ABLIM3: variants seen among roughly 807,000 people sequenced by gnomAD.
ABLIM3 encodes actin-binding LIM protein 3.
A neutral mutation model predicts 109.5 loss-of-function variants in ABLIM3; 61 were observed. That is an observed-to-expected ratio of 0.56 (90% CI 0.45 to 0.69). ABLIM3 has a LOEUF of 0.69. ABLIM3 is among the 30% of genes least tolerant of loss of function. ABLIM3 has a pLI of 0.00. For missense variants in ABLIM3, 796 were observed against 889.5 expected (o/e 0.89, Z 1.34); for synonymous variants, 300 against 324.8 (o/e 0.92, Z 0.82).
intron 6 of ABLIM3, among the ~76,000 whole-genome samples, chr5:149,207,879 C>T (rs1355412932): frequency 6.6e-6 from 1 of 152,252 alleles, no homozygotes; most frequent in Non-Finnish European, 1.5e-5. Flanking sequence ...AGACAAGTGT[C>T]CTCTTGTTGC....
chr5:149,189,574 T>G (rs1016436534), intron 3 of ABLIM3, among the ~76,000 whole-genome samples: 1 of 152,116 alleles, frequency 6.6e-6, no homozygotes, highest in Non-Finnish European at 1.5e-5. Flanking sequence ...TACAGAGAAG[T>G]TATACAAATG....
intron 2 of ABLIM3, among the ~76,000 whole-genome samples, chr5:149,175,956 A>G (rs1242177616): frequency 6.6e-6 from 1 of 152,212 alleles, no homozygotes; most frequent in Non-Finnish European, 1.5e-5. Context: ...TGAGCCTGGC[A>G]GAGAGAAGCT....
intron 3 of ABLIM3, among the ~76,000 whole-genome samples, chr5:149,184,787 G>C (rs1285600427): frequency 6.6e-6 from 1 of 152,188 alleles, no homozygotes; most frequent in Admixed American, 6.5e-5. Context: ...TCATGCACCT[G>C]AGAGTGACTT....
At position 149,259,185 on chromosome 5, in the gene ABLIM3, C is replaced by G; in HGVS notation, c.*781C>G. On this transcript the variant is annotated 3_prime_UTR_variant, in exon 24 of 24. Coordinates refer to ENST00000309868, the MANE Select transcript of ABLIM3 (RefSeq NM_014945.5). Reference sequence around the variant, plus strand: ...GAGGGAGCGGAAGTGGGAGATGGAGCAGGGCACCTGTTAGAATCAGAGCTG... The same window carrying G: ...GAGGGAGCGGAAGTGGGAGATGGAGGAGGGCACCTGTTAGAATCAGAGCTG... The G allele has an allele frequency of 9.4e-7, 1 of 1,068,666 alleles. No individual in the cohort carries two copies. The highest frequency in any genetic ancestry group is 1.1e-6 in the Non-Finnish European group (1 of 883,402). The allele number at this position is 1,068,666 out of a possible 1,614,324, so 66.2% of individuals were successfully genotyped here.
intron 7 of ABLIM3, 102 bp from the exon 8 acceptor site, chr5:149,216,857 T>C (rs1760141059): frequency 9.6e-7 from 1 of 1,046,006 alleles, no homozygotes. Flanking sequence ...GCCATGAAGA[T>C]GCAAACAACA....
At chr5:149,178,503 T>C (rs1028290257) in intron 2 of ABLIM3, among the ~76,000 whole-genome samples, 2 of 152,212 alleles carry the variant, frequency 1.3e-5, no homozygotes, top group African/African-American at 4.8e-5. Flanking sequence ...GTTTTCCCAC[T>C]CTTTTAATTA....
chr5:149,213,476 A>G (rs1759759893), intron 7 of ABLIM3, among the ~76,000 whole-genome samples: 1 of 152,196 alleles, frequency 6.6e-6, no homozygotes, highest in Non-Finnish European at 1.5e-5. Flanking sequence ...TGGATGTGGG[A>G]AAGGTCACCT....
At chr5:149,247,376 T>C (rs59781078) in intron 17 of ABLIM3, among the ~76,000 whole-genome samples, 4,180 of 152,160 alleles carry the variant, frequency 0.027, 196 homozygotes, top group African/African-American at 0.088. Flanking sequence ...GAGATAGAGG[T>C]GGTAGTTCCA....
intron 6 of ABLIM3, among the ~76,000 whole-genome samples, chr5:149,207,709 G>T (rs1759136986): frequency 1.3e-5 from 2 of 152,148 alleles, no homozygotes; most frequent in South Asian, 4.1e-4. Context: ...CAGGAGAGGG[G>T]CTTTGTTTTA....
chr5:149,195,242 A>C (rs1442345947), intron 3 of ABLIM3, among the ~76,000 whole-genome samples: 1 of 152,258 alleles, frequency 6.6e-6, no homozygotes, highest in Non-Finnish European at 1.5e-5. Flanking sequence ...ACAAAGGTCC[A>C]ATAACCTACA....
At chr5:149,148,136 T>A (rs1753096564) in intron 2 of ABLIM3, among the ~76,000 whole-genome samples, 1 of 152,224 alleles carries the variant, frequency 6.6e-6, no homozygotes, top group African/African-American at 2.4e-5. Flanking sequence ...AATAAAAAAA[T>A]GCTTAGATTA....
In ABLIM3 at chr5:149,191,920, C is replaced by T. The variant is rs117561454; in HGVS notation, c.152-6299C>T. ...TCGCCCAGGCTGGAGTGCAGTGGCA[C>T]GATCTCGGCTCACTGCAAGCTCCAC... On this transcript the variant is annotated intron_variant, in intron 3 of 23. Coordinates refer to ENST00000309868, the MANE Select transcript of ABLIM3 (RefSeq NM_014945.5). 0.012 allele frequency among the ~76,000 whole-genome samples: 1,844 copies of T among 152,224 alleles called. 85 individuals are homozygous for T. The East Asian group carries it at 0.15, about 13-fold the overall frequency.
At chr5:149,239,350 C>T in intron 12 of ABLIM3, 73 bp downstream of exon 12, 1 of 1,529,240 alleles carries the variant, frequency 6.5e-7, no homozygotes, top group Non-Finnish European at 9.1e-7. Context: ...CATCCCCAGC[C>T]CCCCGAAGGT....
intron 2 of ABLIM3, among the ~76,000 whole-genome samples, chr5:149,177,903 G>T (rs1377712320): frequency 6.6e-6 from 1 of 152,126 alleles, no homozygotes; most frequent in Non-Finnish European, 1.5e-5. Context: ...AATTGCTTCA[G>T]TTATTCTTAC....
At chr5:149,158,582 A>G (rs1216804791) in intron 2 of ABLIM3, among the ~76,000 whole-genome samples, 3 of 152,206 alleles carry the variant, frequency 2.0e-5, no homozygotes, top group Non-Finnish European at 1.5e-5. Flanking sequence ...TAAAATAAAA[A>G]TAAGAAGTCC....
intron 23 of ABLIM3, among the ~76,000 whole-genome samples, chr5:149,257,557 C>G (rs1160908349): frequency 6.6e-6 from 1 of 152,220 alleles, no homozygotes; most frequent in Non-Finnish European, 1.5e-5. Flanking sequence ...GAACATCCAT[C>G]TACCATTCAC....
Position 149,198,240 on chromosome 5 carries a change from A to T in ABLIM3, c.173A>T (p.Gln58Leu). Reference protein sequence around the residue: ...TCQVCGCGLAQSGFFFKNQEY... With the variant: ...TCQVCGCGLALSGFFFKNQEY... Reference sequence around the variant, plus strand: ...CAAGTATGTGGCTGTGGCCTGGCCCAGTCAGGCTTCTTCTTCAAGAACCAG... The same window carrying T: ...CAAGTATGTGGCTGTGGCCTGGCCCTGTCAGGCTTCTTCTTCAAGAACCAG... Residue 58 changes from glutamine to leucine, a missense_variant, in exon 4 of 24, where the codon CAG (glutamine) becomes CTG (leucine). Physicochemically the swap from Gln to Leu is moderately radical, Grantham distance 113. Transcript: ENST00000309868. This position sits in a 1 kb window ranked among gnomAD's most constrained non-coding sequence, Gnocchi z 4.2. 2 of 1,613,560 alleles carry T rather than the reference A, an allele frequency of 1.2e-6. No individual in the cohort carries two copies. The highest frequency in any genetic ancestry group is 1.7e-6 in the Non-Finnish European group (2 of 1,179,714).
At chr5:149,143,520 C>G (rs1020575073) in intron 2 of ABLIM3, among the ~76,000 whole-genome samples, 1 of 151,536 alleles carries the variant, frequency 6.6e-6, no homozygotes, top group African/African-American at 2.4e-5. Flanking sequence ...ACACCCCACC[C>G]CACCCCCACC....
chr5:149,257,689 A>G (rs1277235608), intron 23 of ABLIM3, among the ~76,000 whole-genome samples: 1 of 152,228 alleles, frequency 6.6e-6, no homozygotes, highest in Admixed American at 6.5e-5. Context: ...GAAGGAGGGC[A>G]GAAAGAGGGG....
Sources: gnomAD v4.1 joint callset for allele counts (sites outside exome capture counted in the v4.1 genomes callset) on GRCh38, gnomAD v4.1.1 for gene constraint, Gnocchi (gnomAD v3.1) non-coding constraint, MANE v1.5 for transcripts, NCBI Gene and HGNC (gene_info 2026-07-23, HGNC 2026-07-21) for gene names.